Variants in DOK6 observed in about 807,000 individuals in gnomAD.
DOK6 encodes the protein downstream of tyrosine kinase 6.
Under a neutral mutation model 44.0 loss-of-function variants are expected in DOK6, and 22 were observed. The observed-to-expected ratio is 0.50, with a 90% CI of 0.36 to 0.71. The LOEUF is 0.71. Among genes scored for constraint, DOK6 ranks in the 30% least tolerant of loss-of-function variants. The probability of loss-of-function intolerance (pLI) is 0.00; values close to 1 mark genes in which losing one functional copy is unlikely to be tolerated. For synonymous variants in DOK6, 166 were observed against 145.5 expected (o/e 1.14, Z -1.01); for missense variants, 340 against 416.4 (o/e 0.82, Z 1.60).
At chr18:69,425,431 G>A (rs1042393130) in intron 1 of DOK6, among the ~76,000 whole-genome samples, 1 of 151,666 alleles carries the variant, frequency 6.6e-6, no homozygotes, top group Non-Finnish European at 1.5e-5. Context: ...CTCTGCTTGT[G>A]CCCTTAATAT....
At chr18:69,558,768 A>G (rs1264928429) in intron 1 of DOK6, among the ~76,000 whole-genome samples, 1 of 152,180 alleles carries the variant, frequency 6.6e-6, no homozygotes, top group Non-Finnish European at 1.5e-5. Context: ...GCAACTTGAT[A>G]TCCTGTGTCA....
intron 7 of DOK6, among the ~76,000 whole-genome samples, chr18:69,772,143 C>T (rs963473514): frequency 6.6e-6 from 1 of 151,780 alleles, no homozygotes; most frequent in Non-Finnish European, 1.5e-5. Flanking sequence ...GCACTCGAGT[C>T]TGGGTGACAG....
chr18:69,434,983 A>AAGGAAAGAAG (rs1978918850), intron 1 of DOK6, among the ~76,000 whole-genome samples: 2 of 84,752 alleles, frequency 2.4e-5, no homozygotes, highest in Non-Finnish European at 5.3e-5. Context: ...AAGGAAGGAA[A>AAGGAAAGAAG]GAAGGAAGGA....
At chr18:69,511,901 G>A (rs1293943174) in intron 1 of DOK6, among the ~76,000 whole-genome samples, 2 of 152,096 alleles carry the variant, frequency 1.3e-5, no homozygotes, top group Non-Finnish European at 2.9e-5. Context: ...ATATCAGACT[G>A]TTAGGTAAGC....
intron 5 of DOK6, among the ~76,000 whole-genome samples, chr18:69,713,763 T>C (rs1986821871): frequency 6.6e-6 from 1 of 152,198 alleles, no homozygotes; most frequent in Non-Finnish European, 1.5e-5. Context: ...AACTATATCA[T>C]ACCTTTTTTA....
chr18:69,698,604 G>A lies in DOK6; in HGVS notation c.599+11G>A. ...GTTTGAGTCAGGAAGGTAAGATCTA[G>A]TGCAGCAGCCAAGTGCAGGAGTTGT... On this transcript the variant is annotated intron_variant, in intron 5 of 7. Coordinates refer to ENST00000382713, the MANE Select transcript of DOK6 (RefSeq NM_152721.6). The A allele has an allele frequency of 1.2e-6, 2 of 1,610,728 alleles. No individual in the cohort carries two copies. Among genetic ancestry groups the A allele is most frequent in the Non-Finnish European group, 1.7e-6 (2 of 1,178,624 alleles).
chr18:69,569,556 A>T (rs1470157664), intron 2 of DOK6, among the ~76,000 whole-genome samples: 1 of 152,236 alleles, frequency 6.6e-6, no homozygotes, highest in Non-Finnish European at 1.5e-5. Flanking sequence ...AGGAAAAGAA[A>T]ATCAGCAAAT....
chr18:69,507,248 T>G (rs966247044), intron 1 of DOK6, among the ~76,000 whole-genome samples: 4 of 151,942 alleles, frequency 2.6e-5, no homozygotes, highest in Non-Finnish European at 4.4e-5. Context: ...AGAATGGTCT[T>G]GATCTCCTGA....
chr18:69,506,921 G>A (rs1201008395), intron 1 of DOK6, among the ~76,000 whole-genome samples: 2 of 151,596 alleles, frequency 1.3e-5, no homozygotes, highest in South Asian at 4.2e-4. Flanking sequence ...ACACACATAT[G>A]TATATTTAAA....
At chr18:69,431,857 G>A (rs1978815532) in intron 1 of DOK6, among the ~76,000 whole-genome samples, 1 of 152,148 alleles carries the variant, frequency 6.6e-6, no homozygotes, top group Non-Finnish European at 1.5e-5. Flanking sequence ...TACAAAGATA[G>A]TACAGAGAAT....
intron 1 of DOK6, among the ~76,000 whole-genome samples, chr18:69,420,197 T>A (rs909047423): frequency 2.0e-5 from 3 of 151,478 alleles, no homozygotes; most frequent in Non-Finnish European, 4.4e-5. Flanking sequence ...CTATCTAAAT[T>A]AAAAAAAAAT....
At chr18:69,740,250 G>A (rs1053241900) in intron 6 of DOK6, among the ~76,000 whole-genome samples, 3 of 152,170 alleles carry the variant, frequency 2.0e-5, no homozygotes, top group Non-Finnish European at 4.4e-5. Flanking sequence ...CAAACTTCTA[G>A]AAAGATTTGG....
chr18:69,522,515 G>A (rs544547820), intron 1 of DOK6, among the ~76,000 whole-genome samples: 35 of 151,854 alleles, frequency 2.3e-4, no homozygotes, highest in Admixed American at 1.7e-3. Context: ...ACTTATGGAT[G>A]GATAATATCT....
intron 3 of DOK6, among the ~76,000 whole-genome samples, chr18:69,635,193 A>AT (rs1984775602): frequency 1.3e-5 from 2 of 152,158 alleles, no homozygotes; most frequent in Non-Finnish European, 2.9e-5. Flanking sequence ...ATGCATGGAC[A>AT]ACTAGAAAGT....
intron 2 of DOK6, among the ~76,000 whole-genome samples, chr18:69,573,073 T>G (rs1319074145): frequency 6.6e-6 from 1 of 151,496 alleles, no homozygotes; most frequent in Non-Finnish European, 1.5e-5. Context: ...AGGAGAAAGT[T>G]TATGTGTGTA....
intron 7 of DOK6, among the ~76,000 whole-genome samples, chr18:69,794,829 T>C (rs1980698633): frequency 6.6e-6 from 1 of 152,110 alleles, no homozygotes; most frequent in Admixed American, 6.6e-5. Flanking sequence ...GCATGAACCC[T>C]ATTGTGAACT....
intron 7 of DOK6, among the ~76,000 whole-genome samples, chr18:69,767,259 A>C (rs750210774): frequency 6.6e-6 from 1 of 152,160 alleles, no homozygotes; most frequent in Non-Finnish European, 1.5e-5. Context: ...TCTAGCTTTA[A>C]TAAATGGTTT....
chr18:69,760,733 T>C (rs1193902897), intron 7 of DOK6, among the ~76,000 whole-genome samples: 6 of 126,612 alleles, frequency 4.7e-5, no homozygotes, highest in East Asian at 5.4e-4. Context: ...GGGCCGGTTG[T>C]GACCAATTAT....
intron 5 of DOK6, among the ~76,000 whole-genome samples, chr18:69,722,631 A>G (rs1416759444): frequency 6.6e-6 from 1 of 152,200 alleles, no homozygotes; most frequent in Non-Finnish European, 1.5e-5. Flanking sequence ...ATAAACCTCT[A>G]TCTGTGGAAA....
Sources: allele counts gnomAD v4.1 joint callset (sites outside exome capture counted in the v4.1 genomes callset), GRCh38; gene constraint gnomAD v4.1.1; transcripts MANE v1.5; gene names NCBI Gene and HGNC (gene_info 2026-07-23, HGNC 2026-07-21).